ANK2: variants seen among roughly 807,000 people sequenced by gnomAD.
ANK2 encodes ankyrin 2.
A neutral mutation model predicts 360.5 loss-of-function variants in ANK2; 83 were observed. The ratio of observed to expected loss-of-function variants is 0.23; its 90% CI spans 0.19 to 0.28. The LOEUF (loss-of-function observed/expected upper bound fraction) is 0.28. ANK2 is among the 10% of genes least tolerant of loss of function. ANK2 has a pLI of 1.00. For missense variants in ANK2, 4,201 were observed against 4,795.7 expected (o/e 0.88, Z 3.66); for synonymous variants, 1,740 against 1,759.5 (o/e 0.99, Z 0.28).
intron 26 of ANK2, among the ~76,000 whole-genome samples, chr4:113,319,468 T>C (rs898008239): frequency 5.3e-5 from 8 of 151,612 alleles, no homozygotes; most frequent in African/African-American, 1.9e-4. Flanking sequence ...ATGCAATATT[T>C]TGATTTTAAT....
In ANK2 at chr4:113,336,614, T is replaced by C; in HGVS notation, c.3629T>C (p.Leu1210Pro). The change falls in exon 31 of 46, where the codon CTA becomes CCA. Residue 1210 changes from leucine (L) to proline (P), a missense_variant. Physicochemically the swap from Leu to Pro is moderately conservative, Grantham distance 98. Coordinates refer to ENST00000357077, the MANE Select transcript of ANK2 (RefSeq NM_001148.6). Reference sequence around the variant, plus strand: ...CACAGTGAGCTGGTTAAGAAGATCCTAGGCAACAAAGCTACCTTCAGCCCT... The same window carrying C: ...CACAGTGAGCTGGTTAAGAAGATCCCAGGCAACAAAGCTACCTTCAGCCCT... ...PMHSELVKKI[L>P]GNKATFSPIV... 1 of 1,614,152 alleles carries C rather than the reference T, an allele frequency of 6.2e-7. No individual in the cohort carries two copies. Among genetic ancestry groups the C allele is most frequent in the Non-Finnish European group, 8.5e-7 (1 of 1,180,018 alleles).
At chr4:113,054,525 G>C (rs2068642858) in intron 1 of ANK2, among the ~76,000 whole-genome samples, 1 of 152,140 alleles carries the variant, frequency 6.6e-6, no homozygotes, top group African/African-American at 2.4e-5. Context: ...TCCAACATTT[G>C]GGTGTCCAAA....
chr4:113,105,407 A>T (rs573788344), intron 1 of ANK2, among the ~76,000 whole-genome samples: 4 of 152,148 alleles, frequency 2.6e-5, no homozygotes, highest in Non-Finnish European at 5.9e-5. Flanking sequence ...AGCAGCAGTG[A>T]CAGAGGCCAG....
intron 1 of ANK2, among the ~76,000 whole-genome samples, chr4:113,156,963 G>A (rs975678346): frequency 1.5e-4 from 23 of 151,952 alleles, no homozygotes; most frequent in African/African-American, 5.3e-4. Flanking sequence ...TTTAAGAGAA[G>A]GGAGATTGTA....
At chr4:113,305,361 A>T (rs114328224) in intron 23 of ANK2, among the ~76,000 whole-genome samples, 1 of 150,330 alleles carries the variant, frequency 6.7e-6, no homozygotes, top group African/African-American at 2.5e-5. Context: ...AAAAAAAAAT[A>T]GCCTCTCAGA....
chr4:112,737,197 TA>T, the ANK2 span, among the ~76,000 whole-genome samples: 2 of 152,334 alleles, frequency 1.3e-5, no homozygotes, highest in African/African-American at 4.8e-5. Context: ...GTGCACATAG[TA>T]AATAGTTCAT....
chr4:112,758,373 A>G, the ANK2 span, among the ~76,000 whole-genome samples: 980 of 152,276 alleles, frequency 6.4e-3, 9 homozygotes, highest in African/African-American at 0.022. Flanking sequence ...GTAGATGAGC[A>G]TAGCTATTCT....
intron 2 of ANK2, among the ~76,000 whole-genome samples, chr4:112,950,120 C>T (rs1047855736): frequency 5.3e-5 from 8 of 152,022 alleles, no homozygotes; most frequent in African/African-American, 1.5e-4. Context: ...GTCTAATGTC[C>T]CTCATCTCTG....
chr4:113,177,290 C>T (rs1010621923), intron 2 of ANK2, among the ~76,000 whole-genome samples: 1 of 151,976 alleles, frequency 6.6e-6, no homozygotes, highest in African/African-American at 2.4e-5. Context: ...CCATGTTAGC[C>T]AGGATGGTCT....
In ANK2 at chr4:113,354,818, G is replaced by A; in HGVS notation, c.6200G>A (p.Gly2067Glu). ...PVTGTAESKR[G>E]VRVSSIGVKK... ...ACGGGCACAGCAGAATCCAAAAGAG[G>A]AGTTCGTGTTTCCTCCATAGGAGTT... is the stretch of plus-strand genomic sequence containing the variant. The change falls in exon 38 of 46, where the codon GGA (glycine) becomes GAA (glutamate). Residue 2067 changes from glycine (G) to glutamate (E), a missense_variant. Physicochemically the swap from Gly to Glu is moderately conservative, Grantham distance 98 (BLOSUM62 -2). Around this residue, in one of 4 missense-constraint regions of ANK2, gnomAD observed 2,642 missense variants for 2,714.5 expected, o/e 0.97. Coordinates refer to ENST00000357077, the MANE Select transcript of ANK2 (RefSeq NM_001148.6). 6.2e-7 allele frequency: 1 copy of A among 1,614,126 alleles called. No individual in the cohort carries two copies. Among genetic ancestry groups the A allele is most frequent in the Non-Finnish European group, 8.5e-7 (1 of 1,180,004 alleles).
In ANK2 at chr4:113,007,625, G is replaced by A. The variant is rs547371937; in HGVS notation, c.21+103111G>A. 1.1e-4 allele frequency among the ~76,000 whole-genome samples: 16 copies of A among 152,142 alleles called. No individual in the cohort carries two copies. In the South Asian group the frequency reaches 2.3e-3, roughly 22 times the overall value. ...CACATCACATTAAATTTAAGACTTC[G>A]ATTGCTAAACAGTGAATATACATAC... On this transcript the variant is annotated intron_variant, in intron 2 of 30. Coordinates refer to the ANK2 transcript ENST00000503271.
chr4:113,378,065 GTCTTT>G (rs142414145), intron 45 of ANK2: 32 of 1,150,032 alleles, frequency 2.8e-5, no homozygotes, highest in South Asian at 7.8e-5. Context: ...GATGAGCTTT[GTCTTT>G]TCTTTTCTTC....
At chr4:113,373,036 T>A in intron 43 of ANK2, 54 bp from the exon 44 acceptor site, 1 of 1,409,340 alleles carries the variant, frequency 7.1e-7, no homozygotes, top group Non-Finnish European at 1.0e-6. Context: ...TTGGGAGTAG[T>A]TCCTCAGAAT....
At chr4:113,137,416 A>G (rs1039506006) in intron 1 of ANK2, among the ~76,000 whole-genome samples, 1 of 152,210 alleles carries the variant, frequency 6.6e-6, no homozygotes, top group African/African-American at 2.4e-5. Flanking sequence ...CAAGGTGTAT[A>G]GGGCTGCTGG....
At chr4:113,086,963 C>T (rs1301884252) in intron 1 of ANK2, among the ~76,000 whole-genome samples, 3 of 152,124 alleles carry the variant, frequency 2.0e-5, no homozygotes, top group African/African-American at 4.8e-5. Context: ...TGATAAGTAC[C>T]ACTGTGTATG....
intron 8 of ANK2, among the ~76,000 whole-genome samples, chr4:113,241,557 C>T (rs1444605792): frequency 6.6e-6 from 1 of 152,178 alleles, no homozygotes; most frequent in African/African-American, 2.4e-5. Context: ...CCAGGCTGGT[C>T]TTGAATTCCT....
At chr4:113,283,510 C>T (rs189153139) in intron 18 of ANK2, among the ~76,000 whole-genome samples, 135 of 152,130 alleles carry the variant, frequency 8.9e-4, no homozygotes, top group African/African-American at 3.0e-3. Context: ...AGGGACTGGC[C>T]TCTATAGACC....
At chr4:113,085,009 A>C (rs1313468584) in intron 1 of ANK2, among the ~76,000 whole-genome samples, 2 of 152,210 alleles carry the variant, frequency 1.3e-5, no homozygotes, top group Non-Finnish European at 2.9e-5. Flanking sequence ...CAAATAATCC[A>C]GGATTATTGT....
intron 1 of ANK2, chr4:112,818,281 G>T (rs2055884195): frequency 6.6e-6 from 1 of 152,224 alleles, no homozygotes; most frequent in Non-Finnish European, 1.5e-5. Context: ...GCTTAAAGAA[G>T]GTCTTTATTC....
Sources: allele counts gnomAD v4.1 joint callset (sites outside exome capture counted in the v4.1 genomes callset), GRCh38; gene constraint gnomAD v4.1.1; regional missense constraint gnomAD v4.1.1; transcripts MANE v1.5; gene names NCBI Gene and HGNC (gene_info 2026-07-23, HGNC 2026-07-21).